The following CNTN4 variants were observed in gnomAD, a reference collection of about 807,000 sequenced individuals.
CNTN4 encodes the protein contactin 4.
CNTN4 carries 77 observed loss-of-function variants against 122.5 expected under a neutral mutation model. The observed-to-expected ratio is 0.63, with a 90% CI of 0.52 to 0.76. CNTN4 has a LOEUF of 0.76. CNTN4 is among the 30% of genes least tolerant of loss of function. The pLI, the probability that CNTN4 is intolerant of heterozygous loss-of-function variation, is 0.00. For missense variants in CNTN4, 1,256 were observed against 1,259.1 expected (o/e 1.00, Z 0.04); for synonymous variants, 512 against 447.0 (o/e 1.15, Z -1.83).
chr3:2,833,523 C>T (rs1262083486), intron 7 of CNTN4, among the ~76,000 whole-genome samples: 1 of 152,130 alleles, frequency 6.6e-6, no homozygotes, highest in African/African-American at 2.4e-5. Context: ...TCATCACATA[C>T]TTACCATTCC....
intron 3 of CNTN4, among the ~76,000 whole-genome samples, chr3:2,511,109 C>T (rs558250381): frequency 2.0e-5 from 3 of 152,140 alleles, no homozygotes; most frequent in Non-Finnish European, 4.4e-5. Flanking sequence ...TACCCACAAC[C>T]TTCTTGGGAG....
chr3:2,158,258 TAAG>T (rs1400537440), intron 2 of CNTN4, among the ~76,000 whole-genome samples: 1 of 152,236 alleles, frequency 6.6e-6, no homozygotes, highest in Non-Finnish European at 1.5e-5. Context: ...AGTATTAATG[TAAG>T]AAGTTTAGAT....
rs192895848 is a variant in CNTN4 at position 2,698,003 on chromosome 3, G to A, written c.56-38212G>A. Among the ~76,000 whole-genome samples, 17 of 152,258 alleles carry A rather than the reference G, an allele frequency of 1.1e-4. 1 individual carries two copies. The highest frequency in any genetic ancestry group is 3.9e-4 in the African/African-American group (16 of 41,544). On this transcript the variant is annotated intron_variant, in intron 4 of 24. Transcript: ENST00000418658. ...AAAAAACACCTTGTAACATTCATCC[G>A]GACTGATGTTTGACTAAATGGGTAC...
At chr3:2,643,733 G>T (rs924649818) in intron 4 of CNTN4, among the ~76,000 whole-genome samples, 1 of 152,110 alleles carries the variant, frequency 6.6e-6, no homozygotes, top group Non-Finnish European at 1.5e-5. Flanking sequence ...TCTCCATTCT[G>T]CTTTGTATGT....
intron 3 of CNTN4, among the ~76,000 whole-genome samples, chr3:2,560,968 A>G (rs2078925906): frequency 6.6e-6 from 1 of 152,202 alleles, no homozygotes; most frequent in African/African-American, 2.4e-5. Context: ...TTAAGCAGAC[A>G]TAGACTCCCT....
intron 14 of CNTN4, among the ~76,000 whole-genome samples, chr3:3,006,332 C>T (rs10510247): frequency 0.08 from 12,105 of 152,180 alleles, 512 homozygotes; most frequent in East Asian, 0.11. Flanking sequence ...ATATTAGGTG[C>T]TCTGTAACAA....
intron 3 of CNTN4, among the ~76,000 whole-genome samples, chr3:2,559,074 A>G (rs1042408329): frequency 1.5e-4 from 23 of 152,164 alleles, no homozygotes; most frequent in African/African-American, 5.6e-4. Context: ...GCTACCTAAC[A>G]GGCTATTACA....
rs1356160822 is a variant in CNTN4 at position 2,709,722 on chromosome 3, T to C, written c.56-26493T>C. ...TGAGGTCAGGAGTTCAAAATCAGCC[T>C]GGCCAACATGGTGAAACCCTCTCTC... On this transcript the variant is annotated intron_variant, in intron 4 of 24. Transcript: ENST00000418658. The surrounding 1 kb of genome is among the most constrained non-coding windows in gnomAD (Gnocchi z 5.0). Among the ~76,000 whole-genome samples the C allele has an allele frequency of 2.0e-5, 3 of 152,196 alleles. No homozygotes were observed. The highest frequency in any genetic ancestry group is 4.4e-5 in the Non-Finnish European group (3 of 68,000).
intron 4 of CNTN4, among the ~76,000 whole-genome samples, chr3:2,674,780 C>CAAAAAAAAAAAAAAA: frequency 7.1e-6 from 1 of 140,112 alleles, no homozygotes; most frequent in Non-Finnish European, 1.6e-5. Context: ...AACAAAAAAA[C>CAAAAAAAAAAAAAAA]AAAAAAAAAA....
chr3:2,597,572 C>A (rs76580989), intron 4 of CNTN4, among the ~76,000 whole-genome samples: 1 of 152,072 alleles, frequency 6.6e-6, no homozygotes, highest in Non-Finnish European at 1.5e-5. Context: ...AGCTGTTCCC[C>A]AGGAAAGGTG....
chr3:2,313,838 A>G (rs1243413086), intron 2 of CNTN4, among the ~76,000 whole-genome samples: 1 of 151,954 alleles, frequency 6.6e-6, no homozygotes, highest in Non-Finnish European at 1.5e-5. Context: ...AAAATAAAGG[A>G]TGCTTCCCTT....
chr3:3,037,289 C>A lies in CNTN4; in HGVS notation c.2053C>A (p.Pro685Thr). 5.6e-6 allele frequency: 9 copies of A among 1,614,102 alleles called. No individual in the cohort carries two copies. Among genetic ancestry groups the A allele is most frequent in the Non-Finnish European group, 7.6e-6 (9 of 1,180,026 alleles). The change falls in exon 18 of 25, where the codon CCC (proline) becomes ACC (threonine). Residue 685 changes from proline to threonine, a missense_variant. Physicochemically the swap from Pro to Thr is conservative, Grantham distance 38. Coordinates refer to ENST00000418658, the MANE Select transcript of CNTN4 (RefSeq NM_175607.3). Reference protein sequence around the residue: ...VAANVIGIGEPSRPSEKRRTE... With the variant: ...VAANVIGIGETSRPSEKRRTE... ...AGCCAACGTGATTGGGATTGGGGAG[C>A]CCAGCCGCCCCTCAGAGAAACGGAG... is the stretch of plus-strand genomic sequence containing the variant.
chr3:2,823,281 G>T (rs2092917334), intron 7 of CNTN4, among the ~76,000 whole-genome samples: 1 of 152,328 alleles, frequency 6.6e-6, no homozygotes, highest in African/African-American at 2.4e-5. Context: ...TATTATATCA[G>T]TGGGGTACTG....
chr3:2,797,902 TTGA>T (rs1313082743), intron 6 of CNTN4, among the ~76,000 whole-genome samples: 1 of 147,388 alleles, frequency 6.8e-6, no homozygotes, highest in African/African-American at 2.5e-5. Flanking sequence ...TTACTACTGT[TTGA>T]TGACCACACT....
At chr3:2,116,309 C>T (rs1171578116) in intron 2 of CNTN4, among the ~76,000 whole-genome samples, 1 of 152,144 alleles carries the variant, frequency 6.6e-6, no homozygotes, top group Non-Finnish European at 1.5e-5. Flanking sequence ...ACTCCACATA[C>T]CAGCTCCAAT....
intron 2 of CNTN4, among the ~76,000 whole-genome samples, chr3:2,237,560 T>C (rs575836441): frequency 6.6e-6 from 1 of 152,322 alleles, no homozygotes; most frequent in East Asian, 1.9e-4. Flanking sequence ...TTTCTAAATC[T>C]TGGATTGTGC....
Position 2,987,956 on chromosome 3 carries a change from A to C in CNTN4, c.1359-389A>C, listed in dbSNP as rs1186755590. On this transcript the variant is annotated intron_variant, in intron 13 of 24. Coordinates refer to ENST00000418658, the MANE Select transcript of CNTN4 (RefSeq NM_175607.3). ...AAAACACTTTCAATGAAAAGACTTAAATTGATTAATCAAGGGATTTTTTCG... is the reference window on the plus strand; with the variant it reads ...AAAACACTTTCAATGAAAAGACTTACATTGATTAATCAAGGGATTTTTTCG... Among the ~76,000 whole-genome samples the C allele has an allele frequency of 3.2e-4, 48 of 152,236 alleles. 3 individuals are homozygous for C. Among genetic ancestry groups the C allele is most frequent in the Admixed American group, 3.1e-3 (48 of 15,284 alleles).
intron 4 of CNTN4, among the ~76,000 whole-genome samples, chr3:2,574,928 T>G (rs1197019780): frequency 1.3e-5 from 2 of 151,868 alleles, no homozygotes; most frequent in Non-Finnish European, 2.9e-5. Flanking sequence ...AAAGTAAAAA[T>G]AAAGGGCCTG....
chr3:2,417,309 A>G (rs1383713393), intron 3 of CNTN4, among the ~76,000 whole-genome samples: 1 of 152,242 alleles, frequency 6.6e-6, no homozygotes, highest in East Asian at 1.9e-4. Context: ...CAGTCCCTTC[A>G]GTCTTGTATT....
Sources: allele counts gnomAD v4.1 joint callset (sites outside exome capture counted in the v4.1 genomes callset), GRCh38; gene constraint gnomAD v4.1.1; non-coding constraint Gnocchi (gnomAD v3.1); transcripts MANE v1.5; gene names NCBI Gene and HGNC (gene_info 2026-07-23, HGNC 2026-07-21).